Variants in NAV2 observed in about 807,000 individuals in gnomAD.
NAV2 encodes neuron navigator 2, also known as helicase, APC down-regulated 1.
NAV2 carries 54 observed loss-of-function variants against 223.2 expected under a neutral mutation model. The ratio of observed to expected loss-of-function variants is 0.24; its 90% CI spans 0.19 to 0.30. NAV2 has a LOEUF of 0.30. Ranked by LOEUF, NAV2 falls within the 10% of genes least tolerant of loss-of-function variation. NAV2 has a pLI of 1.00. For synonymous variants in NAV2, 1,279 were observed against 1,239.3 expected, an observed-to-expected ratio of 1.03 and a Z score of -0.67; for missense variants, 2,806 against 3,147.5, an observed-to-expected ratio of 0.89 and a Z score of 2.60.
At chr11:20,028,149 C>A (rs541053471) in intron 11 of NAV2, among the ~76,000 whole-genome samples, 1 of 152,318 alleles carries the variant, frequency 6.6e-6, no homozygotes, top group Non-Finnish European at 1.5e-5. Context: ...AACAGTGGAG[C>A]AAAATAGATG....
intron 22 of NAV2, among the ~76,000 whole-genome samples, chr11:20,069,735 G>A (rs1357386401): frequency 1.3e-5 from 2 of 152,202 alleles, no homozygotes; most frequent in Non-Finnish European, 2.9e-5. Context: ...CATGACCACA[G>A]CATGTCGTTA....
chr11:19,904,340 TA>T (rs1383563851), intron 6 of NAV2, among the ~76,000 whole-genome samples: 1 of 152,150 alleles, frequency 6.6e-6, no homozygotes, highest in Non-Finnish European at 1.5e-5. Context: ...GCATGGAACT[TA>T]AAGTCTGATG....
intron 1 of NAV2, among the ~76,000 whole-genome samples, chr11:19,559,937 T>C (rs1309557664): frequency 6.6e-6 from 1 of 152,184 alleles, no homozygotes; most frequent in Non-Finnish European, 1.5e-5. Flanking sequence ...GAGTGCTGCC[T>C]GGTGTACCTG....
chr11:20,037,721 C>T (rs533907576), intron 12 of NAV2, among the ~76,000 whole-genome samples: 4 of 152,318 alleles, frequency 2.6e-5, no homozygotes, highest in African/African-American at 7.2e-5. Context: ...AAAAACCAAA[C>T]AAACAAAACC....
intron 1 of NAV2, among the ~76,000 whole-genome samples, chr11:19,735,975 C>A (rs763660130): frequency 2.0e-5 from 3 of 152,172 alleles, no homozygotes; most frequent in Non-Finnish European, 2.9e-5. Flanking sequence ...ATCAGCCTGA[C>A]CTGCCAGCAC....
At chr11:19,882,897 A>G (rs191876471) in intron 5 of NAV2, among the ~76,000 whole-genome samples, 33 of 152,256 alleles carry the variant, frequency 2.2e-4, no homozygotes, top group Non-Finnish European at 1.2e-4. Context: ...TATTCACTAT[A>G]TCCTGATACT....
chr11:19,429,324 C>T (rs1320076972), intron 1 of NAV2, among the ~76,000 whole-genome samples: 3 of 152,330 alleles, frequency 2.0e-5, no homozygotes, highest in Non-Finnish European at 2.9e-5. Flanking sequence ...CTAAAGGTCT[C>T]CAGTCACTTT....
chr11:19,656,247 G>A (rs543417469), intron 1 of NAV2, among the ~76,000 whole-genome samples: 9 of 152,162 alleles, frequency 5.9e-5, no homozygotes, highest in South Asian at 2.1e-4. Context: ...TGCAGGAGGC[G>A]CTCTGGGGCC....
At chr11:19,469,671 C>T (rs546803678) in intron 1 of NAV2, among the ~76,000 whole-genome samples, 61 of 152,206 alleles carry the variant, frequency 4.0e-4, no homozygotes, top group Middle Eastern at 3.4e-3. Context: ...AATTTGAAAG[C>T]GCAGGCAAAA....
At chr11:19,912,251 T>C (rs1352103849) in intron 6 of NAV2, among the ~76,000 whole-genome samples, 1 of 152,176 alleles carries the variant, frequency 6.6e-6, no homozygotes, top group African/African-American at 2.4e-5. Context: ...CTAGGACACT[T>C]TGCTGCTTCA....
intron 1 of NAV2, among the ~76,000 whole-genome samples, chr11:19,448,527 A>T (rs942755479): frequency 9.9e-5 from 15 of 152,186 alleles, no homozygotes; most frequent in African/African-American, 3.1e-4. Flanking sequence ...TCCCAAGTTC[A>T]TCTTATACTG....
intron 29 of NAV2, among the ~76,000 whole-genome samples, chr11:20,094,341 T>TGCCTCA (rs2061085280): frequency 1.3e-5 from 2 of 149,578 alleles, no homozygotes; most frequent in Admixed American, 1.4e-4. Context: ...GCGATTCTTC[T>TGCCTCA]GCCTCAGCCT....
intron 1 of NAV2, among the ~76,000 whole-genome samples, chr11:19,724,592 G>T (rs1343866940): frequency 6.6e-6 from 1 of 152,218 alleles, no homozygotes; most frequent in Non-Finnish European, 1.5e-5. Flanking sequence ...GGGCCTCTTT[G>T]TGGATGGTAT....
chr11:19,589,696 A>G (rs2135127363), intron 1 of NAV2, among the ~76,000 whole-genome samples: 1 of 152,356 alleles, frequency 6.6e-6, no homozygotes, highest in Non-Finnish European at 1.5e-5. Flanking sequence ...AGAGAGAGCC[A>G]CAGCCCCTTT....
upstream of NAV2, chr11:19,711,556 G>C (rs1345687093): frequency 6.6e-6 from 1 of 152,198 alleles, no homozygotes; most frequent in Non-Finnish European, 1.5e-5. Flanking sequence ...TGGGGATTAC[G>C]GGTTTAACAT....
intron 1 of NAV2, among the ~76,000 whole-genome samples, chr11:19,813,612 G>A (rs771551280): frequency 6.6e-6 from 1 of 152,162 alleles, no homozygotes; most frequent in Non-Finnish European, 1.5e-5. Context: ...ATAAGCTGCC[G>A]CTATTCAGGA....
rs1357148021 is a variant in NAV2, at chr11:20,036,072, C to T, written c.2882C>T (p.Ser961Phe). Residue 961 changes from serine (S) to phenylalanine (F), a missense_variant, in exon 12 of 38, where the codon TCC becomes TTC. Transcript: ENST00000349880. ...SISSYANTPA[S>F]SRKNLDVQTD... ...AGCTCTTATGCCAACACACCTGCCTCCTCTCGAAAAAACCTGGATGTGCAG... is the reference window on the plus strand; with the variant it reads ...AGCTCTTATGCCAACACACCTGCCTTCTCTCGAAAAAACCTGGATGTGCAG... 1 of 1,614,208 alleles carries T rather than the reference C, an allele frequency of 6.2e-7. No homozygotes were observed. Among genetic ancestry groups the T allele is most frequent in the Non-Finnish European group, 8.5e-7 (1 of 1,180,030 alleles).
intron 6 of NAV2, among the ~76,000 whole-genome samples, chr11:19,923,621 A>G (rs1206716909): frequency 6.6e-6 from 1 of 152,166 alleles, no homozygotes; most frequent in East Asian, 1.9e-4. Context: ...AACTAACTCT[A>G]TCTTAGAAGG....
rs201439491 is a variant in NAV2 at position 19,984,171 on chromosome 11, C to T, written c.2692C>T (p.Arg898Trp). 40 of 1,614,146 alleles carry T rather than the reference C, an allele frequency of 2.5e-5. No individual in the cohort carries two copies. In the Middle Eastern group the frequency reaches 9.9e-4, roughly 40 times the overall value. ...GLGLYTRRLN[R>W]LPDGMAVVRE... ...TGGCCTCTATACCCGTCGCCTGAAC[C>T]GGCTCCCTGATGGGATGGCTGTGGT... The change falls in exon 11 of 38, where the codon CGG (arginine) becomes TGG (tryptophan). Residue 898 changes from arginine to tryptophan, a missense_variant. Transcript: ENST00000349880.
Sources: allele counts gnomAD v4.1 joint callset (sites outside exome capture counted in the v4.1 genomes callset), GRCh38; gene constraint gnomAD v4.1.1; transcripts MANE v1.5; gene names NCBI Gene and HGNC (gene_info 2026-07-23, HGNC 2026-07-21).